The following MALRD1 variants were observed in gnomAD, a reference collection of about 807,000 sequenced individuals.
MALRD1 encodes MAM and LDL receptor class A domain containing 1.
MALRD1 carries 247 observed loss-of-function variants against 242.1 expected under a neutral mutation model. That is an observed-to-expected ratio of 1.02 (90% CI 0.92 to 1.13). The LOEUF (loss-of-function observed/expected upper bound fraction) is 1.13, where lower values mean the gene tolerates loss of function less well. MALRD1 is among the 50% of genes most tolerant of loss of function. MALRD1 has a pLI of 0.00. For missense variants in MALRD1, 2,989 were observed against 2,533.1 expected (o/e 1.18, Z -3.86); for synonymous variants, 995 against 866.6 (o/e 1.15, Z -2.60).
chr10:19,609,064 A>G (rs1838767913), intron 35 of MALRD1, among the ~76,000 whole-genome samples: 1 of 152,090 alleles, frequency 6.6e-6, no homozygotes, highest in South Asian at 2.1e-4. Context: ...GAGCACAAAT[A>G]TAATATGTTA....
chr10:19,615,744 A>G (rs1839124096), intron 35 of MALRD1, 113 bp from the exon 36 acceptor site: 2 of 880,490 alleles, frequency 2.3e-6, no homozygotes, highest in Non-Finnish European at 3.3e-6. Context: ...TTGCAACTGG[A>G]AAGGAATTTA....
chr10:19,252,266 G>C (rs1456722311), intron 18 of MALRD1, among the ~76,000 whole-genome samples: 1 of 151,988 alleles, frequency 6.6e-6, no homozygotes, highest in Non-Finnish European at 1.5e-5. Flanking sequence ...TCTGACTCAA[G>C]AGCACTCATG....
At chr10:19,416,895 C>A (rs1170581033) in intron 28 of MALRD1, among the ~76,000 whole-genome samples, 1 of 152,166 alleles carries the variant, frequency 6.6e-6, no homozygotes, top group African/African-American at 2.4e-5. Context: ...ACTGACCAAT[C>A]CCTAAAACTC....
chr10:19,471,103 T>G (rs1470898694), intron 29 of MALRD1, among the ~76,000 whole-genome samples: 1 of 151,960 alleles, frequency 6.6e-6, no homozygotes, highest in Non-Finnish European at 1.5e-5. Context: ...TTTGAGTTGA[T>G]TTTTTTGTTT....
chr10:19,327,974 A>G (rs1342868796), intron 23 of MALRD1, among the ~76,000 whole-genome samples: 6 of 152,148 alleles, frequency 3.9e-5, no homozygotes, highest in Middle Eastern at 3.2e-3. Flanking sequence ...TCTGTTTTGC[A>G]AATATATTCT....
intron 21 of MALRD1, among the ~76,000 whole-genome samples, chr10:19,314,168 G>C (rs1842541606): frequency 6.6e-6 from 1 of 151,526 alleles, no homozygotes; most frequent in South Asian, 2.1e-4. Context: ...AGTTAAAAAT[G>C]TGTGCATTGG....
chr10:19,200,487 C>CTCAGACT (rs1175797304), intron 14 of MALRD1, among the ~76,000 whole-genome samples: 7 of 152,242 alleles, frequency 4.6e-5, no homozygotes, highest in African/African-American at 1.4e-4. Context: ...AAATTACCAG[C>CTCAGACT]TCAGACTTCA....
chr10:19,146,768 G>A (rs950828608), intron 11 of MALRD1, among the ~76,000 whole-genome samples: 1 of 152,130 alleles, frequency 6.6e-6, no homozygotes, highest in Non-Finnish European at 1.5e-5. Flanking sequence ...ATACTTGAAT[G>A]CAATTTAATC....
At chr10:19,077,157 T>TA (rs1835343351) in intron 2 of MALRD1, among the ~76,000 whole-genome samples, 1 of 152,000 alleles carries the variant, frequency 6.6e-6, no homozygotes, top group African/African-American at 2.4e-5. Flanking sequence ...CCTATATACT[T>TA]ACCAACTTTT....
At chr10:19,606,537 T>C (rs1408720678) in intron 34 of MALRD1, among the ~76,000 whole-genome samples, 2 of 152,160 alleles carry the variant, frequency 1.3e-5, no homozygotes, top group African/African-American at 2.4e-5. Context: ...AATACCATTA[T>C]TATTTAGTGC....
At chr10:19,573,764 A>G (rs958965441) in intron 33 of MALRD1, among the ~76,000 whole-genome samples, 14 of 152,258 alleles carry the variant, frequency 9.2e-5, no homozygotes, top group African/African-American at 2.4e-4. Flanking sequence ...GTGACCTAAT[A>G]TGTCACTTAA....
rs763684041 is a variant in MALRD1, at chr10:19,450,372, G to T, written c.4911G>T (p.Lys1637Asn). 4 of 1,550,048 alleles carry T rather than the reference G, an allele frequency of 2.6e-6. No homozygotes were observed. The highest frequency in any genetic ancestry group is 4.9e-5 in the East Asian group (2 of 40,910). The stretch of plus-strand genomic sequence containing the variant: ...AGAACCCTGGTAATCATTGGCAAAA[G>T]GCTGACATCCTGCTAGGAAAGTTAA... Reference protein sequence around the residue: ...SKQNPGNHWQKADILLGKLRN... With the variant: ...SKQNPGNHWQNADILLGKLRN... The change falls in exon 29 of 40, where the codon AAG becomes AAT. Residue 1637 changes from lysine to asparagine, a missense_variant. Coordinates refer to ENST00000454679, the MANE Select transcript of MALRD1 (RefSeq NM_001142308.3).
chr10:19,270,375 C>T (rs1840172080), intron 19 of MALRD1, among the ~76,000 whole-genome samples: 1 of 139,736 alleles, frequency 7.2e-6, no homozygotes, highest in Admixed American at 7.2e-5. Flanking sequence ...CACACACACA[C>T]ACCAGACTGC....
intron 36 of MALRD1, among the ~76,000 whole-genome samples, chr10:19,646,705 G>A (rs898944422): frequency 2.0e-5 from 3 of 152,086 alleles, no homozygotes; most frequent in African/African-American, 7.2e-5. Context: ...GTTTATCTCT[G>A]TATCCCTGAC....
chr10:19,101,656 T>C (rs185962240), intron 4 of MALRD1, among the ~76,000 whole-genome samples: 10 of 135,100 alleles, frequency 7.4e-5, no homozygotes, highest in African/African-American at 2.7e-4. Flanking sequence ...ACATATACTA[T>C]AGGTACATCT....
intron 18 of MALRD1, among the ~76,000 whole-genome samples, chr10:19,224,210 T>C (rs1837684066): frequency 6.6e-6 from 1 of 152,136 alleles, no homozygotes; most frequent in African/African-American, 2.4e-5. Flanking sequence ...CTAGCACCTG[T>C]TGTTTCCTGA....
intron 24 of MALRD1, among the ~76,000 whole-genome samples, chr10:19,342,971 C>G (rs1246329741): frequency 6.6e-6 from 1 of 151,972 alleles, no homozygotes; most frequent in Non-Finnish European, 1.5e-5. Context: ...CCATATTTTC[C>G]AAATGTTTGA....
At chr10:19,060,524 C>T (rs556377266) in intron 1 of MALRD1, among the ~76,000 whole-genome samples, 48 of 152,304 alleles carry the variant, frequency 3.2e-4, no homozygotes, top group African/African-American at 1.1e-3. Context: ...CTTACCCTTG[C>T]CTGGCCTCCC....
At chr10:19,541,484 G>A (rs1268585154) in intron 32 of MALRD1, among the ~76,000 whole-genome samples, 1 of 152,142 alleles carries the variant, frequency 6.6e-6, no homozygotes, top group Admixed American at 6.5e-5. Flanking sequence ...CTGGCACATT[G>A]AAATCATTTG....
Sources: gnomAD v4.1 joint callset for allele counts (sites outside exome capture counted in the v4.1 genomes callset) on GRCh38, gnomAD v4.1.1 for gene constraint, MANE v1.5 for transcripts, NCBI Gene and HGNC (gene_info 2026-07-23, HGNC 2026-07-21) for gene names.